Variants in ACSL6 observed in about 807,000 individuals in gnomAD.
ACSL6 encodes the protein acyl-CoA synthetase long chain family member 6, also known as long-chain-fatty-acid--CoA ligase 6.
ACSL6 carries 47 observed loss-of-function variants against 98.2 expected under a neutral mutation model. The ratio of observed to expected loss-of-function variants is 0.48; its 90% CI spans 0.38 to 0.61. The LOEUF (loss-of-function observed/expected upper bound fraction) is 0.61. Among genes scored for constraint, ACSL6 ranks in the 20% least tolerant of loss-of-function variants. ACSL6 has a pLI of 0.00. For missense variants in ACSL6, 761 were observed against 913.4 expected, an observed-to-expected ratio of 0.83 and a Z score of 2.15; for synonymous variants, 362 against 336.9, an observed-to-expected ratio of 1.07 and a Z score of -0.82.
Position 131,967,923 on chromosome 5 carries a change from G to C in ACSL6, c.1596+17C>G. 3 of 1,610,680 alleles carry C rather than the reference G, an allele frequency of 1.9e-6. No individual in the cohort carries two copies. The highest frequency in any genetic ancestry group is 2.5e-6 in the Non-Finnish European group (3 of 1,177,206). On this transcript the variant is annotated intron_variant, in intron 16 of 20. Coordinates refer to ENST00000651883, the MANE Select transcript of ACSL6 (RefSeq NM_001009185.3). ...CATGTAGCAGCCACAGGCATGAATG[G>C]CTAAATCCTTGTTTACCTCTCCCTC...
In ACSL6 at chr5:131,960,568, G is replaced by A. The variant is rs144472166; in HGVS notation, c.1911C>T (p.Ala637=). 1.6e-4 allele frequency: 265 copies of A among 1,613,710 alleles called. 1 individual carries two copies. Among genetic ancestry groups the A allele is most frequent in the Non-Finnish European group, 2.2e-4 (260 of 1,179,992 alleles). ...VPDPEVMPSW[A]QKRGIEGTYA... ...ATGTTCCTTCAATTCCTCTCTTCTG[G>A]GCCCAGGAGGGCATAACTTCAGGGT... Residue 637 remains alanine, a synonymous_variant, in exon 19 of 21, where the codon GCC becomes GCT. Transcript: ENST00000651883.
Position 131,962,578 on chromosome 5 carries a change from C to T in ACSL6, c.1814G>A (p.Ser605Asn), listed in dbSNP as rs199637377. The T allele has an allele frequency of 6.8e-5, 110 of 1,613,974 alleles. No homozygotes were observed. The highest frequency in any genetic ancestry group is 1.3e-5 in the African/African-American group (1 of 74,886). ...PEKIENIYIR[S>N]QPVAQIYVHG... ...GACATAGATTTGCGCCACAGGTTGG[C>T]TCCGGATGTAGATGTTCTCAATCTT... The change falls in exon 18 of 21, where the codon AGC (serine) becomes AAC (asparagine). Residue 605 changes from serine (S) to asparagine (N), a missense_variant. By Grantham distance (46) the Ser-to-Asn change is conservative (BLOSUM62 1). Transcript: ENST00000651883.
chr5:132,008,276 A>C (rs1029269479), intron 1 of ACSL6, among the ~76,000 whole-genome samples: 3 of 152,224 alleles, frequency 2.0e-5, no homozygotes, highest in Non-Finnish European at 4.4e-5. Context: ...GGGAGCCCAG[A>C]GTGGGGTAAG....
chr5:131,968,065 C>A, intron 15 of ACSL6, 37 bp from the exon 16 acceptor site: 1 of 1,589,094 alleles, frequency 6.3e-7, no homozygotes, highest in South Asian at 1.1e-5. Context: ...TGTTAGTGTT[C>A]AGATCTGTTT....
At position 131,960,559 on chromosome 5, in the gene ACSL6, T is replaced by A; in HGVS notation, c.1920A>T (p.Arg640Ser). 6.2e-7 allele frequency: 1 copy of A among 1,614,044 alleles called. No individual in the cohort carries two copies. Among genetic ancestry groups the A allele is most frequent in the Non-Finnish European group, 8.5e-7 (1 of 1,180,000 alleles). The change falls in exon 19 of 21, where the codon AGA (arginine) becomes AGT (serine). Residue 640 changes from arginine (R) to serine (S), a missense_variant. Transcript: ENST00000651883. ...GATCTGCATATGTTCCTTCAATTCCTCTCTTCTGGGCCCAGGAGGGCATAA... is the reference window on the plus strand; with the variant it reads ...GATCTGCATATGTTCCTTCAATTCCACTCTTCTGGGCCCAGGAGGGCATAA... ...PEVMPSWAQK[R>S]GIEGTYADLC...
At position 131,972,787 on chromosome 5, in the gene ACSL6, C is replaced by G; in HGVS notation, c.1275G>C (p.Glu425Asp). 1 of 1,614,200 alleles carries G rather than the reference C, an allele frequency of 6.2e-7. No homozygotes were observed. The highest frequency in any genetic ancestry group is 8.5e-7 in the Non-Finnish European group (1 of 1,180,040). The change falls in exon 13 of 21, where the codon GAG becomes GAC. Residue 425 changes from glutamate (E) to aspartate (D), a missense_variant. Transcript: ENST00000651883. ...LEFAAKRKQA[E>D]VRSGIIRNDS... is the part of the protein sequence containing the mutation. Reference sequence around the variant, plus strand: ...CATTCCTGATGATTCCACTCCGGACCTCGGCTTGCTTACGCTTTGCTGCAA... The same window carrying G: ...CATTCCTGATGATTCCACTCCGGACGTCGGCTTGCTTACGCTTTGCTGCAA...
At chr5:131,962,455 C>G (rs1752761140) in intron 18 of ACSL6, 80 bp downstream of exon 18, 1 of 1,470,192 alleles carries the variant, frequency 6.8e-7, no homozygotes, top group African/African-American at 1.4e-5. Flanking sequence ...AATCCTGGTG[C>G]CTGATTGGAG....
In ACSL6 at chr5:131,988,815, G is replaced by A; in HGVS notation, c.642C>T (p.Ile214=). ...DTLGPGAIRY[I]INTADISTVI... ...TGGCAGTGGGCTTACCTGTATTGAT[G>A]ATGTAGCGGATAGCCCCAGGGCCCA... is the stretch of plus-strand genomic sequence containing the variant. The change falls in exon 6 of 21, where the codon ATC becomes ATT. Residue 214 remains isoleucine (I), a synonymous_variant. Coordinates refer to ENST00000651883, the MANE Select transcript of ACSL6 (RefSeq NM_001009185.3). The A allele has an allele frequency of 1.2e-6, 2 of 1,613,912 alleles. No individual in the cohort carries two copies. The highest frequency in any genetic ancestry group is 1.7e-6 in the Non-Finnish European group (2 of 1,179,930).
rs776564564 is a variant in ACSL6 at position 131,954,341 on chromosome 5, A to G, written c.2062T>C (p.Phe688Leu). The G allele has an allele frequency of 6.2e-7, 1 of 1,613,988 alleles. No individual in the cohort carries two copies. The highest frequency in any genetic ancestry group is 8.5e-7 in the Non-Finnish European group (1 of 1,179,946). The part of the protein sequence containing the change: ...VKAIHIHSDM[F>L]SVQNGLLTPT... Reference sequence around the variant, plus strand: ...GTCAGCAAGCCATTTTGAACTGAGAACATGTCAGAATGGATGTGAATGGCT... The same window carrying G: ...GTCAGCAAGCCATTTTGAACTGAGAGCATGTCAGAATGGATGTGAATGGCT... The change falls in exon 21 of 21, where the codon TTC becomes CTC. Residue 688 changes from phenylalanine to leucine, a missense_variant. Transcript: ENST00000651883.
intron 1 of ACSL6, among the ~76,000 whole-genome samples, chr5:132,002,266 C>T (rs1755128323): frequency 6.6e-6 from 1 of 152,216 alleles, no homozygotes; most frequent in Non-Finnish European, 1.5e-5. Context: ...CCGGCCATGT[C>T]CACGTTAGGA....
intron 1 of ACSL6, among the ~76,000 whole-genome samples, chr5:132,002,588 A>G (rs553698998): frequency 6.6e-6 from 1 of 152,254 alleles, no homozygotes; most frequent in African/African-American, 2.4e-5. Context: ...TCTCCTGGGG[A>G]CACGTGCTAG....
intron 17 of ACSL6, 45 bp from the exon 18 acceptor site, chr5:131,962,723 AG>A: frequency 6.2e-7 from 1 of 1,605,818 alleles, no homozygotes; most frequent in South Asian, 1.1e-5. Flanking sequence ...GGCACTCTCA[AG>A]CCTGAACCTT....
intron 19 of ACSL6, chr5:131,959,843 A>ATT: frequency 1.9e-6 from 1 of 532,674 alleles, no homozygotes; most frequent in Non-Finnish European, 3.3e-6. Context: ...GGACCACTCA[A>ATT]TTTTTTTTTA....
chr5:131,984,574 G>C (rs1325311707), intron 9 of ACSL6: 9 of 152,350 alleles, frequency 5.9e-5, no homozygotes, highest in African/African-American at 2.2e-4. Context: ...GAGCAAGCAG[G>C]CTTGGTGACA....
chr5:131,967,412 C>A (rs562899017), intron 16 of ACSL6, among the ~76,000 whole-genome samples: 9 of 151,810 alleles, frequency 5.9e-5, no homozygotes, highest in Admixed American at 1.3e-4. Context: ...GCCTGTAATC[C>A]CAGCACTTTG....
At chr5:132,004,466 G>A (rs1187910945) in intron 1 of ACSL6, among the ~76,000 whole-genome samples, 1 of 152,140 alleles carries the variant, frequency 6.6e-6, no homozygotes, top group Non-Finnish European at 1.5e-5. Flanking sequence ...CAGGTGGGTT[G>A]GTGGATGCTC....
upstream of ACSL6, chr5:132,012,050 T>C (rs547903731): frequency 2.1e-3 from 2,767 of 1,294,314 alleles, 93 homozygotes; most frequent in South Asian, 0.04. Flanking sequence ...CTGGGTTTTA[T>C]GGCTGGGCAG....
intron 20 of ACSL6, among the ~76,000 whole-genome samples, chr5:131,955,313 T>G (rs1752342916): frequency 2.0e-5 from 3 of 152,222 alleles, no homozygotes; most frequent in African/African-American, 4.8e-5. Context: ...GGGTTTTGTT[T>G]GAAAACTCTT....
At position 131,988,508 on chromosome 5, in the gene ACSL6, C is replaced by T. The variant is rs780004108; in HGVS notation, c.653-282G>A. On this transcript the variant is annotated intron_variant, in intron 6 of 20. Transcript: ENST00000651883. ...TCCCAGGTCTGTTTGAGATATTTAC[C>T]ACCCCCTGCATCTGTGCCAAGCTGT... The T allele has an allele frequency of 4.4e-6, 7 of 1,603,556 alleles. No individual in the cohort carries two copies. The South Asian group carries it at 5.5e-5, about 13-fold the overall frequency.
Sources: gnomAD v4.1 joint callset for allele counts (sites outside exome capture counted in the v4.1 genomes callset) on GRCh38, gnomAD v4.1.1 for gene constraint, MANE v1.5 for transcripts, NCBI Gene and HGNC (gene_info 2026-07-23, HGNC 2026-07-21) for gene names.